Variants in KCNB2 observed in about 807,000 individuals in gnomAD.
The protein encoded by KCNB2 is potassium voltage-gated channel subfamily B member 2.
A neutral mutation model predicts 61.5 loss-of-function variants in KCNB2; 15 were observed. That is an observed-to-expected ratio of 0.24 (90% CI 0.16 to 0.38). The LOEUF (loss-of-function observed/expected upper bound fraction) is 0.38, where lower values mean the gene tolerates loss of function less well. Ranked by LOEUF, KCNB2 falls within the 10% of genes least tolerant of loss-of-function variation. KCNB2 has a pLI of 1.00. For synonymous variants in KCNB2, 457 were observed against 446.0 expected, an observed-to-expected ratio of 1.02 and a Z score of -0.31; for missense variants, 828 against 1,125.2, an observed-to-expected ratio of 0.74 and a Z score of 3.78.
At chr8:72,632,810 C>T (rs544379423) in intron 2 of KCNB2, among the ~76,000 whole-genome samples, 6 of 152,276 alleles carry the variant, frequency 3.9e-5, no homozygotes, top group Non-Finnish European at 4.4e-5. Flanking sequence ...CCACCTCCAA[C>T]CCCCGCCCAA....
intron 2 of KCNB2, among the ~76,000 whole-genome samples, chr8:72,594,704 A>G (rs928659497): frequency 2.6e-5 from 4 of 152,118 alleles, no homozygotes; most frequent in Non-Finnish European, 2.9e-5. Flanking sequence ...AACTCAGTAA[A>G]CATGCATAGT....
At chr8:72,582,009 A>T (rs1332199788) in intron 2 of KCNB2, among the ~76,000 whole-genome samples, 1 of 152,210 alleles carries the variant, frequency 6.6e-6, no homozygotes, top group Non-Finnish European at 1.5e-5. Flanking sequence ...AGGTTCAACC[A>T]TCCACCCTTT....
intron 2 of KCNB2, among the ~76,000 whole-genome samples, chr8:72,916,985 A>G (rs1563423466): frequency 1.3e-5 from 2 of 152,312 alleles, no homozygotes; most frequent in East Asian, 3.9e-4. Context: ...AGAAAAGGCA[A>G]CATTCGAGCT....
At chr8:72,770,552 A>G (rs1488607659) in intron 2 of KCNB2, among the ~76,000 whole-genome samples, 1 of 152,226 alleles carries the variant, frequency 6.6e-6, no homozygotes. Flanking sequence ...GTCATGCTAT[A>G]TAAATTTAAA....
chr8:72,826,700 T>C (rs1383547972), intron 2 of KCNB2, among the ~76,000 whole-genome samples: 1 of 152,326 alleles, frequency 6.6e-6, no homozygotes, highest in East Asian at 1.9e-4. Context: ...ATTGACTCCT[T>C]AGAGTCTTCC....
intron 2 of KCNB2, among the ~76,000 whole-genome samples, chr8:72,903,012 T>C (rs1194273417): frequency 6.6e-6 from 1 of 152,182 alleles, no homozygotes; most frequent in Non-Finnish European, 1.5e-5. Flanking sequence ...TAACCTCTAT[T>C]TTATTTCTAA....
chr8:72,610,611 C>T, intron 2 of KCNB2, among the ~76,000 whole-genome samples: 1 of 152,184 alleles, frequency 6.6e-6, no homozygotes, highest in Non-Finnish European at 1.5e-5. Flanking sequence ...AGGCACTGTC[C>T]TAAATACTTA....
intron 2 of KCNB2, among the ~76,000 whole-genome samples, chr8:72,633,384 G>T (rs564300919): frequency 1.3e-5 from 2 of 152,116 alleles, no homozygotes; most frequent in African/African-American, 4.8e-5. Flanking sequence ...GATTAGATTG[G>T]TTTCTTTTGG....
intron 2 of KCNB2, among the ~76,000 whole-genome samples, chr8:72,817,010 C>T (rs1809407307): frequency 6.6e-6 from 1 of 152,156 alleles, no homozygotes; most frequent in African/African-American, 2.4e-5. Flanking sequence ...CTGCAAATAT[C>T]TGAAGTTAGA....
At chr8:72,894,876 T>G (rs937148308) in intron 2 of KCNB2, among the ~76,000 whole-genome samples, 6 of 152,160 alleles carry the variant, frequency 3.9e-5, no homozygotes, top group Non-Finnish European at 8.8e-5. Context: ...TGGGGATAGA[T>G]AGACCCCAGA....
intron 2 of KCNB2, among the ~76,000 whole-genome samples, chr8:72,834,324 TTCGATA>T (rs1809743886): frequency 6.6e-6 from 1 of 152,130 alleles, no homozygotes; most frequent in African/African-American, 2.4e-5. Flanking sequence ...ACTCTAGAGT[TTCGATA>T]TATTTGGAGA....
At chr8:72,614,266 A>G (rs1805584314) in intron 2 of KCNB2, among the ~76,000 whole-genome samples, 1 of 152,188 alleles carries the variant, frequency 6.6e-6, no homozygotes, top group Non-Finnish European at 1.5e-5. Flanking sequence ...AAATGTATGT[A>G]TTTTATAGAT....
Position 72,860,198 on chromosome 8 carries a change from G to A in KCNB2, c.580-75737G>A, listed in dbSNP as rs148042838. On this transcript the variant is annotated intron_variant, in intron 2 of 2. Transcript: ENST00000523207. ...ATGTTTTCATTTTCCTTCAGTATAC[G>A]AGGTAGAATTGTTAGGTCATATGGC... Among the ~76,000 whole-genome samples the A allele has an allele frequency of 3.0e-4, 46 of 152,188 alleles. 1 individual carries two copies. In the East Asian group the frequency reaches 4.4e-3, roughly 15 times the overall value.
chr8:72,600,771 A>C (rs2128982475), intron 2 of KCNB2, among the ~76,000 whole-genome samples: 1 of 152,224 alleles, frequency 6.6e-6, no homozygotes, highest in African/African-American at 2.4e-5. Context: ...CTCACTTGTA[A>C]GTGGAAGCTA....
chr8:72,673,994 C>T (rs1263770207), intron 2 of KCNB2, among the ~76,000 whole-genome samples: 2 of 152,182 alleles, frequency 1.3e-5, no homozygotes, highest in African/African-American at 4.8e-5. Flanking sequence ...AGAGAAAAAA[C>T]TATGAATTAG....
chr8:72,728,835 T>G (rs976448250), intron 2 of KCNB2, among the ~76,000 whole-genome samples: 3 of 152,342 alleles, frequency 2.0e-5, no homozygotes, highest in Middle Eastern at 3.4e-3. Flanking sequence ...ATAAACCATT[T>G]GTTTATAACT....
intron 2 of KCNB2, among the ~76,000 whole-genome samples, chr8:72,568,891 C>T (rs888216508): frequency 6.6e-6 from 1 of 151,076 alleles, no homozygotes; most frequent in African/African-American, 2.4e-5. Context: ...TTTGAGGCCT[C>T]CTTTAACAGT....
At chr8:72,646,473 G>T (rs1347091132) in intron 2 of KCNB2, among the ~76,000 whole-genome samples, 4 of 152,102 alleles carry the variant, frequency 2.6e-5, no homozygotes, top group African/African-American at 9.7e-5. Context: ...ATGAAAGTTG[G>T]AAACATAATA....
intron 2 of KCNB2, among the ~76,000 whole-genome samples, chr8:72,722,753 A>G (rs994890675): frequency 1.3e-5 from 2 of 152,114 alleles, no homozygotes; most frequent in Non-Finnish European, 2.9e-5. Context: ...AAATTAGGGA[A>G]TTAAAATAAG....
Sources: allele counts gnomAD v4.1 joint callset (sites outside exome capture counted in the v4.1 genomes callset), GRCh38; gene constraint gnomAD v4.1.1; transcripts MANE v1.5; gene names NCBI Gene and HGNC (gene_info 2026-07-23, HGNC 2026-07-21).